Variants in SIAH3 observed in about 807,000 individuals in gnomAD.
The protein encoded by SIAH3 is siah E3 ubiquitin protein ligase family member 3.
SIAH3 carries 9 observed loss-of-function variants against 12.6 expected under a neutral mutation model. That is an observed-to-expected ratio of 0.72 (90% CI 0.43 to 1.25). SIAH3 has a LOEUF of 1.25. SIAH3 is among the 50% of genes most tolerant of loss of function. SIAH3 has a pLI of 0.00. For synonymous variants in SIAH3, 154 were observed against 151.1 expected, an observed-to-expected ratio of 1.02 and a Z score of -0.14; for missense variants, 390 against 365.4, an observed-to-expected ratio of 1.07 and a Z score of -0.55.
intron 1 of SIAH3, among the ~76,000 whole-genome samples, chr13:45,850,890 G>T (rs1476030077): frequency 6.7e-6 from 1 of 149,176 alleles, no homozygotes; most frequent in South Asian, 2.1e-4. Context: ...TAACCAGCAG[G>T]AAGGAAATAA....
At position 45,793,794 on chromosome 13, in the gene SIAH3, A is replaced by G. The variant is rs571738666; in HGVS notation, c.136-9737T>C. 1.8e-4 allele frequency among the ~76,000 whole-genome samples: 28 copies of G among 152,360 alleles called. 1 individual carries two copies. In the South Asian group the frequency reaches 5.6e-3, roughly 30 times the overall value. On this transcript the variant is annotated intron_variant, in intron 1 of 1. Transcript: ENST00000400405. ...CCCCCAAAAGATGTGTTCACATCCTAATCCCCAGAACCTGTGAATGTGATC... is the reference window on the plus strand; with the variant it reads ...CCCCCAAAAGATGTGTTCACATCCTGATCCCCAGAACCTGTGAATGTGATC...
At chr13:45,799,300 C>G (rs1265993868) in intron 1 of SIAH3, among the ~76,000 whole-genome samples, 7 of 152,216 alleles carry the variant, frequency 4.6e-5, no homozygotes, top group African/African-American at 1.4e-4. Flanking sequence ...TCACTTTTTT[C>G]AGACCTTAAT....
rs552731883 is a variant in SIAH3, at chr13:45,778,050, C to G, written c.*5333G>C. On this transcript the variant is annotated 3_prime_UTR_variant, in exon 2 of 2. Coordinates refer to ENST00000400405, the MANE Select transcript of SIAH3 (RefSeq NM_198849.3). ...ACTGGGTTGCAAAAAAGTGAGGTAG[C>G]CAAGTAGGAAAGTAAGGCCCGGGGC... 39 of 152,228 alleles carry G rather than the reference C, an allele frequency of 2.6e-4. No individual in the cohort carries two copies. The highest frequency in any genetic ancestry group is 9.4e-4 in the African/African-American group (39 of 41,536). 9.4% of individuals were successfully genotyped at this position (152,228 alleles called of 1,614,324 possible).
At chr13:45,845,527 C>A (rs1950756399) in intron 1 of SIAH3, among the ~76,000 whole-genome samples, 1 of 152,120 alleles carries the variant, frequency 6.6e-6, no homozygotes. Context: ...TGATCTATTT[C>A]TTTGTGAATA....
intron 1 of SIAH3, among the ~76,000 whole-genome samples, chr13:45,804,651 T>C (rs974256796): frequency 6.6e-6 from 1 of 152,122 alleles, no homozygotes; most frequent in Non-Finnish European, 1.5e-5. Context: ...CCTTAAGAAC[T>C]GAAACACGAC....
chr13:45,814,605 T>C (rs1015018377), intron 1 of SIAH3, among the ~76,000 whole-genome samples: 1 of 152,180 alleles, frequency 6.6e-6, no homozygotes, highest in African/African-American at 2.4e-5. Context: ...CAGCCTAGCT[T>C]CTCAGCCCCT....
intron 1 of SIAH3, among the ~76,000 whole-genome samples, chr13:45,813,253 T>C (rs1460300281): frequency 6.6e-6 from 1 of 152,244 alleles, no homozygotes; most frequent in Non-Finnish European, 1.5e-5. Context: ...TACTGAGTCC[T>C]GGCACCAGGC....
chr13:45,791,696 C>A (rs969787730), intron 1 of SIAH3, among the ~76,000 whole-genome samples: 3 of 152,172 alleles, frequency 2.0e-5, no homozygotes, highest in Non-Finnish European at 4.4e-5. Flanking sequence ...ATTTCTCCTG[C>A]CAGAGAGGTA....
chr13:45,793,111 C>T (rs1950551492), intron 1 of SIAH3, among the ~76,000 whole-genome samples: 1 of 152,210 alleles, frequency 6.6e-6, no homozygotes, highest in Admixed American at 6.5e-5. Flanking sequence ...ATTGTCCCGC[C>T]ACCTCGGATA....
intron 1 of SIAH3, among the ~76,000 whole-genome samples, chr13:45,796,541 A>G (rs1950563405): frequency 6.6e-6 from 1 of 152,092 alleles, no homozygotes; most frequent in Non-Finnish European, 1.5e-5. Context: ...CATGGCTGAC[A>G]CTCCCAGGGA....
At chr13:45,784,116 C>T in intron 1 of SIAH3, 59 bp from the exon 2 acceptor site, 1 of 1,467,732 alleles carries the variant, frequency 6.8e-7, no homozygotes, top group Non-Finnish European at 9.2e-7. Context: ...CAGGCCGCCA[C>T]TCCCCTGATG....
intron 1 of SIAH3, 135 bp downstream of exon 1, chr13:45,851,360 G>C: frequency 1.7e-6 from 2 of 1,169,886 alleles, no homozygotes; most frequent in Non-Finnish European, 2.5e-6. Flanking sequence ...CAAACACGCC[G>C]GGTTCCAGAC....
intron 1 of SIAH3, among the ~76,000 whole-genome samples, chr13:45,838,466 T>A (rs1315357225): frequency 1.3e-5 from 2 of 152,124 alleles, no homozygotes; most frequent in Non-Finnish European, 2.9e-5. Context: ...TCATCAGCCC[T>A]CCTGCTTACA....
chr13:45,845,347 T>G (rs760357028), intron 1 of SIAH3, among the ~76,000 whole-genome samples: 7 of 152,178 alleles, frequency 4.6e-5, no homozygotes, highest in Non-Finnish European at 7.3e-5. Flanking sequence ...TACAATTTCT[T>G]GAGATCTCGG....
intron 1 of SIAH3, among the ~76,000 whole-genome samples, chr13:45,800,861 G>A (rs1003293319): frequency 6.6e-6 from 1 of 152,158 alleles, no homozygotes; most frequent in Non-Finnish European, 1.5e-5. Flanking sequence ...GCTTCCATGG[G>A]CACTGAATTG....
intron 1 of SIAH3, among the ~76,000 whole-genome samples, chr13:45,788,860 A>G (rs1950536197): frequency 1.3e-5 from 2 of 152,178 alleles, no homozygotes; most frequent in African/African-American, 4.8e-5. Flanking sequence ...TCATGCCCTC[A>G]TTTGTGAATA....
At chr13:45,838,497 G>A (rs748009176) in intron 1 of SIAH3, among the ~76,000 whole-genome samples, 5 of 152,234 alleles carry the variant, frequency 3.3e-5, no homozygotes, top group Middle Eastern at 3.4e-3. Context: ...CACAGGGCAC[G>A]GGGGTGGCAG....
intron 1 of SIAH3, among the ~76,000 whole-genome samples, chr13:45,797,971 T>C (rs75175025): frequency 0.024 from 3,692 of 152,280 alleles, 158 homozygotes; most frequent in African/African-American, 0.084. Context: ...CCTTGATTTG[T>C]TAGTCATGCA....
In SIAH3 at chr13:45,783,941, G is replaced by A. The variant is rs1046442001; in HGVS notation, c.252C>T (p.His84=). The change falls in exon 2 of 2, where the codon CAC becomes CAT. Residue 84 remains histidine (H), a synonymous_variant. Transcript: ENST00000400405. ...HHRHHHHLRH[H]AHPHHLHHQE... is the part of the protein sequence containing the mutation. ...GGTGGTGAAGGTGGTGGGGGTGGGC[G>A]TGGTGGCGGAGGTGGTGGTGGTGGC... 2 of 1,607,388 alleles carry A rather than the reference G, an allele frequency of 1.2e-6. No individual in the cohort carries two copies. The highest frequency in any genetic ancestry group is 1.3e-5 in the African/African-American group (1 of 74,876).
Sources: gnomAD v4.1 joint callset for allele counts (sites outside exome capture counted in the v4.1 genomes callset) on GRCh38, gnomAD v4.1.1 for gene constraint, MANE v1.5 for transcripts, NCBI Gene and HGNC (gene_info 2026-07-23, HGNC 2026-07-21) for gene names.